EXOC4: variants seen among roughly 807,000 people sequenced by gnomAD.
EXOC4 encodes the protein exocyst complex component 4, also known as SEC8-like 1.
EXOC4 carries 71 observed loss-of-function variants against 107.2 expected under a neutral mutation model. That is an observed-to-expected ratio of 0.66 (90% CI 0.55 to 0.81). The LOEUF (loss-of-function observed/expected upper bound fraction) is 0.81, where lower values mean the gene tolerates loss of function less well. Among genes scored for constraint, EXOC4 ranks in the 30% least tolerant of loss-of-function variants. The probability of loss-of-function intolerance (pLI) is 0.00; values close to 1 mark genes in which losing one functional copy is unlikely to be tolerated. For missense variants in EXOC4, 1,108 were observed against 1,189.6 expected (o/e 0.93, Z 1.01); for synonymous variants, 456 against 441.2 (o/e 1.03, Z -0.42).
chr7:133,909,084 G>A (rs766885480), intron 12 of EXOC4, among the ~76,000 whole-genome samples: 7 of 152,094 alleles, frequency 4.6e-5, no homozygotes, highest in Admixed American at 2.6e-4. Context: ...GAGAACATGC[G>A]GTGTGTGGTC....
At chr7:133,600,495 C>CA (rs1801780899) in intron 9 of EXOC4, among the ~76,000 whole-genome samples, 2 of 152,166 alleles carry the variant, frequency 1.3e-5, no homozygotes, top group African/African-American at 4.8e-5. Context: ...CTTTCCCAAT[C>CA]ACCTAGGTGC....
At chr7:133,351,811 A>G (rs943589884) in intron 5 of EXOC4, among the ~76,000 whole-genome samples, 1 of 151,918 alleles carries the variant, frequency 6.6e-6, no homozygotes, top group Non-Finnish European at 1.5e-5. Flanking sequence ...GTAAGCATTT[A>G]TAACTATAAA....
At chr7:133,811,769 G>A (rs1475725021) in intron 10 of EXOC4, among the ~76,000 whole-genome samples, 1 of 152,190 alleles carries the variant, frequency 6.6e-6, no homozygotes, top group Non-Finnish European at 1.5e-5. Flanking sequence ...TTCGAATGGT[G>A]GAGATATGGG....
At chr7:133,927,427 C>G (rs2116681882) in intron 13 of EXOC4, among the ~76,000 whole-genome samples, 1 of 152,248 alleles carries the variant, frequency 6.6e-6, no homozygotes, top group South Asian at 2.1e-4. Context: ...CAGAAAAGTT[C>G]CTGTTGGGAA....
chr7:133,338,157 G>A (rs184289054), intron 5 of EXOC4, among the ~76,000 whole-genome samples: 8 of 151,358 alleles, frequency 5.3e-5, no homozygotes, highest in East Asian at 1.9e-4. Context: ...AAAAAATTTC[G>A]AGCTAGATAT....
intron 9 of EXOC4, among the ~76,000 whole-genome samples, chr7:133,613,070 G>T (rs549725341): frequency 6.6e-5 from 10 of 152,138 alleles, no homozygotes; most frequent in African/African-American, 2.2e-4. Flanking sequence ...GACAAAGTGT[G>T]TAGTCTAGAA....
At chr7:133,679,131 T>C (rs956185624) in intron 10 of EXOC4, among the ~76,000 whole-genome samples, 3 of 152,206 alleles carry the variant, frequency 2.0e-5, no homozygotes, top group Admixed American at 6.5e-5. Flanking sequence ...CTCCCAACCA[T>C]AGAAAAGCAG....
chr7:134,071,232 G>A (rs1796269472), downstream of EXOC4, among the ~76,000 whole-genome samples: 1 of 152,208 alleles, frequency 6.6e-6, no homozygotes, highest in South Asian at 2.1e-4. Context: ...CTTTGCACCA[G>A]ATCTGGTAAG....
rs372025607 is a variant in EXOC4 at position 133,512,391 on chromosome 7, T to A, written c.1417+32253T>A. Among the ~76,000 whole-genome samples the A allele has an allele frequency of 1.3e-4, 20 of 151,720 alleles. No homozygotes were observed. In the South Asian group the frequency reaches 4.2e-3, roughly 32 times the overall value. Reference sequence around the variant, plus strand: ...TTGCAGTGAGCCGAGATTGCGCCACTGCACTCCAGCCTGGGCGATAGAGTG... The same window carrying A: ...TTGCAGTGAGCCGAGATTGCGCCACAGCACTCCAGCCTGGGCGATAGAGTG... On this transcript the variant is annotated intron_variant, in intron 9 of 17. Transcript: ENST00000253861.
chr7:133,437,120 T>C (rs1797994521), intron 7 of EXOC4, among the ~76,000 whole-genome samples: 1 of 152,210 alleles, frequency 6.6e-6, no homozygotes, highest in African/African-American at 2.4e-5. Context: ...TATCCAAACA[T>C]GTTAGAGGAT....
At chr7:133,503,258 G>C (rs567366999) in intron 9 of EXOC4, among the ~76,000 whole-genome samples, 8 of 152,148 alleles carry the variant, frequency 5.3e-5, no homozygotes, top group African/African-American at 1.9e-4. Context: ...GGGGCTTTTT[G>C]TTACAATCTG....
At chr7:133,918,526 C>T (rs1307465843) in intron 13 of EXOC4, among the ~76,000 whole-genome samples, 3 of 152,198 alleles carry the variant, frequency 2.0e-5, no homozygotes, top group African/African-American at 7.2e-5. Context: ...TACAAATGTG[C>T]TTCCTGTGTG....
At chr7:133,409,435 C>T (rs960291141) in intron 7 of EXOC4, among the ~76,000 whole-genome samples, 1 of 152,112 alleles carries the variant, frequency 6.6e-6, no homozygotes, top group African/African-American at 2.4e-5. Context: ...GAAGTATCAC[C>T]AGCTATGAGA....
intron 9 of EXOC4, chr7:133,480,539 ACT>A: frequency 1.4e-6 from 1 of 732,314 alleles, no homozygotes; most frequent in Non-Finnish European, 1.7e-6. Context: ...AAATGCAACC[ACT>A]GTCATTATTT....
intron 9 of EXOC4, among the ~76,000 whole-genome samples, chr7:133,579,833 C>T (rs183294527): frequency 5.0e-4 from 76 of 152,154 alleles, no homozygotes; most frequent in Admixed American, 2.4e-3. Flanking sequence ...ACTACAGGCA[C>T]GCGCCACCAC....
chr7:133,939,175 T>C (rs1208436604), intron 14 of EXOC4, among the ~76,000 whole-genome samples: 1 of 152,180 alleles, frequency 6.6e-6, no homozygotes, highest in East Asian at 1.9e-4. Context: ...TAGACAGTTA[T>C]TAGAAAGAAA....
chr7:133,961,280 C>CTTTTTTTTTTTTT (rs34400471), intron 14 of EXOC4, among the ~76,000 whole-genome samples: 4 of 77,010 alleles, frequency 5.2e-5, no homozygotes, highest in African/African-American at 1.6e-4. Flanking sequence ...TCATGTCAAA[C>CTTTTTTTTTTTTT]TTTTTTTTTT....
rs200499348 is a variant in EXOC4 at position 133,650,937 on chromosome 7, GTTTTTTTTTTTTTTT to G, written c.1514+20807_1514+20821del. 3.4e-5 allele frequency among the ~76,000 whole-genome samples: 3 copies of G among 88,708 alleles called. No individual in the cohort carries two copies. The East Asian group carries it at 8.0e-4, about 24-fold the overall frequency. The allele number at this position is 88,708 out of a possible 152,430, so 58.2% of individuals were successfully genotyped here. A position where few individuals can be genotyped will look rare whatever the true frequency, so the allele number is the denominator to read the frequency against. On this transcript the variant is annotated intron_variant, in intron 10 of 17. Transcript: ENST00000253861. ...TCTTAGTACATACTGAGATTGGTCAGTTTTTTTTTTTTTTTTTTTTTTTTTGGAATGGGCATTTAT... is the reference window on the plus strand; with the variant it reads ...TCTTAGTACATACTGAGATTGGTCAGTTTTTTTTTTGGAATGGGCATTTAT...
At chr7:133,746,916 T>C (rs1795689106) in intron 10 of EXOC4, among the ~76,000 whole-genome samples, 1 of 152,024 alleles carries the variant, frequency 6.6e-6, no homozygotes, top group African/African-American at 2.4e-5. Context: ...CTGAAGGACT[T>C]TAGAGAAAGC....
Sources: gnomAD v4.1 joint callset for allele counts (sites outside exome capture counted in the v4.1 genomes callset) on GRCh38, gnomAD v4.1.1 for gene constraint, MANE v1.5 for transcripts, NCBI Gene and HGNC (gene_info 2026-07-23, HGNC 2026-07-21) for gene names.